Variants in TRIM25 observed in about 807,000 individuals in gnomAD.
TRIM25 encodes E3 ubiquitin/ISG15 ligase TRIM25.
TRIM25 carries 45 observed loss-of-function variants against 65.2 expected under a neutral mutation model. The ratio of observed to expected loss-of-function variants is 0.69; its 90% CI spans 0.54 to 0.89. The LOEUF (loss-of-function observed/expected upper bound fraction) is 0.89. TRIM25 is among the 40% of genes least tolerant of loss of function. The pLI is 0.00. For missense variants in TRIM25, 714 were observed against 803.7 expected (o/e 0.89, Z 1.35); for synonymous variants, 321 against 340.4 (o/e 0.94, Z 0.63).
Position 56,913,390 on chromosome 17 carries a change from A to G in TRIM25, c.597+2T>C. On this transcript the variant is annotated splice_donor_variant, in intron 1 of 8. Transcript: ENST00000316881. LOFTEE classifies it high-confidence loss of function. This position sits in a 1 kb window ranked among gnomAD's most constrained non-coding sequence, Gnocchi z 6.1. ...CTCTGCACCCAGCAGGCCGTTCCCT[A>G]CCTCCAGGTCGGCGCTGGCCTGGCT... 1 of 1,553,248 alleles carries G rather than the reference A, an allele frequency of 6.4e-7. No homozygotes were observed. The highest frequency in any genetic ancestry group is 8.7e-7 in the Non-Finnish European group (1 of 1,144,430).
In TRIM25 at chr17:56,913,270, C is replaced by G. The variant is rs1390881210; in HGVS notation, c.597+122G>C. The G allele has an allele frequency of 4.9e-6, 4 of 812,366 alleles. No individual in the cohort carries two copies. The highest frequency in any genetic ancestry group is 7.4e-6 in the Non-Finnish European group (4 of 540,328). 50.3% of individuals were successfully genotyped at this position (812,366 alleles called of 1,614,324 possible). On this transcript the variant is annotated intron_variant, in intron 1 of 8. Transcript: ENST00000316881. The surrounding 1 kb of genome is among the most constrained non-coding windows in gnomAD (Gnocchi z 6.1). ...TTCTACTCTGACATTGGAGATGCCC[C>G]GGCCTCGAATTCAGGCCCATCTCCC...
At chr17:56,911,568 G>C (rs1952740019) in intron 1 of TRIM25, among the ~76,000 whole-genome samples, 3 of 129,442 alleles carry the variant, frequency 2.3e-5, no homozygotes, top group Non-Finnish European at 4.9e-5. Flanking sequence ...GACAGAACAA[G>C]ACTCCAACTC....
rs754141665 is a variant in TRIM25, at chr17:56,913,917, G to C, written c.72C>G (p.Val24=). 1 of 1,577,970 alleles carries C rather than the reference G, an allele frequency of 6.3e-7. No homozygotes were observed. The highest frequency in any genetic ancestry group is 8.6e-7 in the Non-Finnish European group (1 of 1,162,550). ...AGAAGTTGTGGCCGCACGGAGTGGT[G>C]ACCGGCTCCTTGAAGGGCTCCAGGC... is the stretch of plus-strand genomic sequence containing the variant. ...SICLEPFKEP[V]TTPCGHNFCG... is the part of the protein sequence containing the mutation. The change falls in exon 1 of 9, where the codon GTC becomes GTG. Residue 24 remains valine, a synonymous_variant. Coordinates refer to ENST00000316881, the MANE Select transcript of TRIM25 (RefSeq NM_005082.5). The surrounding 1 kb of genome is among the most constrained non-coding windows in gnomAD (Gnocchi z 6.1).
chr17:56,908,634 C>CTA, intron 1 of TRIM25, 71 bp from the exon 2 acceptor site: 1 of 1,456,064 alleles, frequency 6.9e-7, no homozygotes, highest in East Asian at 2.3e-5. Context: ...ATCCCTGGAA[C>CTA]TATCCCACAG....
chr17:56,901,370 C>A, intron 4 of TRIM25, 49 bp downstream of exon 4: 1 of 1,578,864 alleles, frequency 6.3e-7, no homozygotes, highest in South Asian at 1.1e-5. Context: ...GGGGACCCAT[C>A]GGGTTGCAGG....
chr17:56,913,672 G>T lies in TRIM25; in HGVS notation c.317C>A (p.Ala106Asp). ...ASAPSPNAQV[A>D]CDHCLKEAAV... ...GGCCTCCTTCAGGCAGTGGTCGCAGGCCACCTGGGCATTCGGGCTGGGTGC... is the reference window on the plus strand; with the variant it reads ...GGCCTCCTTCAGGCAGTGGTCGCAGTCCACCTGGGCATTCGGGCTGGGTGC... Residue 106 changes from alanine (A) to aspartate (D), a missense_variant, in exon 1 of 9, where the codon GCC becomes GAC. Transcript: ENST00000316881. The surrounding 1 kb of genome is among the most constrained non-coding windows in gnomAD (Gnocchi z 6.1). 1 of 1,593,242 alleles carries T rather than the reference G, an allele frequency of 6.3e-7. No individual in the cohort carries two copies.
chr17:56,913,778 T>C lies in TRIM25; in HGVS notation c.211A>G (p.Asn71Asp). ...PQLHKNTVLC[N>D]VVEQFLQADL... is the part of the protein sequence containing the mutation. ...GCCTGCAGGAACTGCTCCACCACGT[T>C]GCACAGCACCGTGTTCTTGTGCAGC... The change falls in exon 1 of 9, where the codon AAC becomes GAC. Residue 71 changes from asparagine to aspartate, a missense_variant. Physicochemically the swap from Asn to Asp is conservative, Grantham distance 23. This residue lies in a region of TRIM25 where 291 missense variants were observed against 281.8 expected (regional missense o/e 1.03). Transcript: ENST00000316881. The surrounding 1 kb of genome is among the most constrained non-coding windows in gnomAD (Gnocchi z 6.1). 6.4e-7 allele frequency: 1 copy of C among 1,552,608 alleles called. No homozygotes were observed. Among genetic ancestry groups the C allele is most frequent in the South Asian group, 1.2e-5 (1 of 82,452 alleles).
rs761958327 is a variant in TRIM25, at chr17:56,895,931, T to G, written c.1175A>C (p.Lys392Thr). Residue 392 changes from lysine (K) to threonine (T), a missense_variant, in exon 6 of 9, where the codon AAA becomes ACA. Physicochemically the swap from Lys to Thr is moderately conservative, Grantham distance 78 (BLOSUM62 -1). Coordinates refer to ENST00000316881, the MANE Select transcript of TRIM25 (RefSeq NM_005082.5). Reference sequence around the variant, plus strand: ...TGCAGAAATGCATAACTTACGAGGTTTCTTGGATTTCTTTTCCTCTTCTGC... The same window carrying G: ...TGCAGAAATGCATAACTTACGAGGTGTCTTGGATTTCTTTTCCTCTTCTGC... ...KVSKEEKKSK[K>T]PPPVPALPSK... is the part of the protein sequence containing the mutation. 6.2e-7 allele frequency: 1 copy of G among 1,612,956 alleles called. No individual in the cohort carries two copies. The highest frequency in any genetic ancestry group is 1.1e-5 in the South Asian group (1 of 90,570).
In TRIM25 at chr17:56,901,581, G is replaced by A; in HGVS notation, c.928-3C>T. On this transcript the variant is annotated splice_polypyrimidine_tract_variant and splice_region_variant and intron_variant, in intron 3 of 8. Transcript: ENST00000316881. ...ATTCCTCGCAGTTTTGATGCTTTCT[G>A]GAACATGCCAGGGGGTTAGTGCAGG... 6.2e-7 allele frequency: 1 copy of A among 1,614,104 alleles called. No individual in the cohort carries two copies. The highest frequency in any genetic ancestry group is 8.5e-7 in the Non-Finnish European group (1 of 1,179,998).
intron 2 of TRIM25, among the ~76,000 whole-genome samples, chr17:56,907,287 T>C (rs1167490044): frequency 2.6e-5 from 4 of 152,266 alleles, no homozygotes; most frequent in African/African-American, 9.6e-5. Flanking sequence ...GGTGTATCTT[T>C]GTTACAGCAG....
At chr17:56,906,746 C>T (rs1180566846) in intron 2 of TRIM25, among the ~76,000 whole-genome samples, 1 of 152,236 alleles carries the variant, frequency 6.6e-6, no homozygotes, top group African/African-American at 2.4e-5. Flanking sequence ...CCATGCGTCT[C>T]GGCCTCCCAA....
intron 1 of TRIM25, chr17:56,912,091 C>T (rs1909642195): frequency 6.6e-6 from 1 of 152,302 alleles, no homozygotes; most frequent in African/African-American, 2.4e-5. Context: ...TGGATGCAGA[C>T]CCCCAACTCT....
At chr17:56,902,654 C>G (rs528329905) in intron 3 of TRIM25, among the ~76,000 whole-genome samples, 1 of 152,154 alleles carries the variant, frequency 6.6e-6, no homozygotes, top group Non-Finnish European at 1.5e-5. Flanking sequence ...CTGGCACAGG[C>G]GGGGCCCAGT....
At chr17:56,899,383 A>T (rs1166373602) in intron 4 of TRIM25, among the ~76,000 whole-genome samples, 1 of 152,184 alleles carries the variant, frequency 6.6e-6, no homozygotes, top group Non-Finnish European at 1.5e-5. Flanking sequence ...CTGACTTTTT[A>T]AAATGTAGCA....
rs757919165 is a variant in TRIM25, at chr17:56,901,414, G to A, written c.1087+5C>T. 8.7e-6 allele frequency: 14 copies of A among 1,613,512 alleles called. No homozygotes were observed. The South Asian group carries it at 1.4e-4, about 16-fold the overall frequency. On this transcript the variant is annotated splice_donor_5th_base_variant and intron_variant, in intron 4 of 8. Coordinates refer to ENST00000316881, the MANE Select transcript of TRIM25 (RefSeq NM_005082.5). ...GGGGGCAGCATAGGGGGCTGCTAAG[G>A]TCACCTGAACTGGGGGTGGGCTCCT...
intron 7 of TRIM25, 22 bp from the exon 8 acceptor site, chr17:56,895,463 G>C (rs1200626440): frequency 6.2e-7 from 1 of 1,613,890 alleles, no homozygotes; most frequent in Admixed American, 1.7e-5. Flanking sequence ...AACAGAGAGT[G>C]ATTTGCAGAA....
At chr17:56,898,112 A>G (rs1854542613) in intron 5 of TRIM25, among the ~76,000 whole-genome samples, 2 of 152,230 alleles carry the variant, frequency 1.3e-5, no homozygotes, top group African/African-American at 4.8e-5. Context: ...TTTCAGTGGT[A>G]TATGGACATG....
At chr17:56,892,949 T>C (rs1909212003) in intron 8 of TRIM25, among the ~76,000 whole-genome samples, 2 of 151,700 alleles carry the variant, frequency 1.3e-5, no homozygotes, top group South Asian at 2.1e-4. Context: ...GATGCTACAG[T>C]TGGGGAACAT....
intron 1 of TRIM25, among the ~76,000 whole-genome samples, chr17:56,911,676 C>T (rs973231778): frequency 2.7e-5 from 4 of 150,002 alleles, no homozygotes; most frequent in African/African-American, 9.9e-5. Flanking sequence ...AGGATTGAGG[C>T]CAGGAGTTCA....
Sources: allele counts gnomAD v4.1 joint callset (sites outside exome capture counted in the v4.1 genomes callset), GRCh38; gene constraint gnomAD v4.1.1; regional missense constraint gnomAD v4.1.1; non-coding constraint Gnocchi (gnomAD v3.1); transcripts MANE v1.5; gene names NCBI Gene and HGNC (gene_info 2026-07-23, HGNC 2026-07-21).